Variants in OSBPL1A observed in about 807,000 individuals in gnomAD.
OSBPL1A encodes the protein oxysterol binding protein like 1A.
OSBPL1A carries 80 observed loss-of-function variants against 137.1 expected under a neutral mutation model. The ratio of observed to expected loss-of-function variants is 0.58; its 90% CI spans 0.49 to 0.70. The LOEUF is 0.70. Ranked by LOEUF, OSBPL1A falls within the 30% of genes least tolerant of loss-of-function variation. The pLI, the probability that OSBPL1A is intolerant of heterozygous loss-of-function variation, is 0.00. For missense variants in OSBPL1A, 970 were observed against 1,129.4 expected (o/e 0.86, Z 2.02); for synonymous variants, 365 against 389.7 (o/e 0.94, Z 0.75).
chr18:24,166,496 A>T, intron 26 of OSBPL1A, 83 bp downstream of exon 26: 1 of 1,492,670 alleles, frequency 6.7e-7, no homozygotes, highest in Non-Finnish European at 8.9e-7. Context: ...TACCCCAATG[A>T]TGCTAACAAT....
Position 24,165,152 on chromosome 18 carries a change from T to C in OSBPL1A, c.2663A>G (p.Gln888Arg). 6.2e-7 allele frequency: 1 copy of C among 1,614,030 alleles called. No homozygotes were observed. Among genetic ancestry groups the C allele is most frequent in the Non-Finnish European group, 8.5e-7 (1 of 1,179,900 alleles). ...AAGTCGTTTTTTTTCTTCACTAGCT[T>C]GATCTAAAATAAGAACATCAACACA... ...IRAMENGEID[Q>R]ASEEKKRLEE... Residue 888 changes from glutamine (Q) to arginine (R), a missense_variant, in exon 27 of 28, where the codon CAA becomes CGA. Gln to Arg is a conservative substitution (Grantham distance 43, BLOSUM62 1). This residue lies in a region of OSBPL1A where 323 missense variants were observed against 456.8 expected (regional missense o/e 0.71). Transcript: ENST00000319481.
intron 5 of OSBPL1A, among the ~76,000 whole-genome samples, chr18:24,339,499 AC>A (rs1322282733): frequency 3.9e-5 from 6 of 152,334 alleles, no homozygotes; most frequent in Non-Finnish European, 7.3e-5. Flanking sequence ...TGTAAAGTCA[AC>A]TAAGCCCTTT....
chr18:24,290,825 C>A (rs2090162793), intron 14 of OSBPL1A, among the ~76,000 whole-genome samples: 2 of 152,134 alleles, frequency 1.3e-5, no homozygotes. Flanking sequence ...GGGGCAGACC[C>A]CTAGTGACAG....
At chr18:24,293,721 T>C (rs1053592276) in intron 14 of OSBPL1A, among the ~76,000 whole-genome samples, 1 of 148,560 alleles carries the variant, frequency 6.7e-6, no homozygotes, top group Non-Finnish European at 1.5e-5. Context: ...AACTGGGAGG[T>C]GGGGGGCTGA....
In OSBPL1A at chr18:24,241,922, T is replaced by C. The variant is rs2088707387; in HGVS notation, c.1282-2540A>G. Among the ~76,000 whole-genome samples, 6 of 152,124 alleles carry C rather than the reference T, an allele frequency of 3.9e-5. No homozygotes were observed. In the South Asian group the frequency reaches 1.2e-3, roughly 32 times the overall value. ...CTGGATTAAGAAAATGTGGCACATA[T>C]ACACCATGGAATACTACACAGCCAT... is the stretch of plus-strand genomic sequence containing the variant. On this transcript the variant is annotated intron_variant, in intron 15 of 27. Coordinates refer to ENST00000319481, the MANE Select transcript of OSBPL1A (RefSeq NM_080597.4).
intron 2 of OSBPL1A, among the ~76,000 whole-genome samples, chr18:24,376,642 C>G (rs889457216): frequency 6.6e-6 from 1 of 152,196 alleles, no homozygotes; most frequent in Non-Finnish European, 1.5e-5. Flanking sequence ...CAGTGCTCAT[C>G]GAGGAGGCTT....
rs1162761277 is a variant in OSBPL1A, at chr18:24,286,095, T to C, written c.1175-5147A>G. ...TCACTTGAACCCAGGAGGCAGAGGC[T>C]GCAGTGAGCCAAGATCGCGCCACTG... On this transcript the variant is annotated intron_variant, in intron 14 of 27. Coordinates refer to ENST00000319481, the MANE Select transcript of OSBPL1A (RefSeq NM_080597.4). Among the ~76,000 whole-genome samples, 3 of 152,190 alleles carry C rather than the reference T, an allele frequency of 2.0e-5. No individual in the cohort carries two copies. In the East Asian group the frequency reaches 5.8e-4, roughly 29 times the overall value.
intron 2 of OSBPL1A, among the ~76,000 whole-genome samples, chr18:24,372,101 C>G (rs1212477278): frequency 4.0e-5 from 6 of 151,554 alleles, no homozygotes; most frequent in Admixed American, 1.3e-4. Flanking sequence ...GTAGTGAAAC[C>G]CTATTTCTAC....
chr18:24,240,927 T>C (rs1483166764), intron 15 of OSBPL1A, among the ~76,000 whole-genome samples: 1 of 151,992 alleles, frequency 6.6e-6, no homozygotes, highest in African/African-American at 2.4e-5. Flanking sequence ...CCAAAACAGA[T>C]ACACAGACCA....
intron 4 of OSBPL1A, among the ~76,000 whole-genome samples, chr18:24,352,760 T>C (rs1431345112): frequency 1.2e-4 from 19 of 152,266 alleles, no homozygotes; most frequent in East Asian, 7.7e-4. Context: ...GAAATAATGC[T>C]GCATATCTAC....
At chr18:24,218,784 C>T (rs2145978468) in intron 17 of OSBPL1A, among the ~76,000 whole-genome samples, 1 of 151,988 alleles carries the variant, frequency 6.6e-6, no homozygotes, top group South Asian at 2.1e-4. Context: ...GTATTATATA[C>T]TTGAAAATCA....
intron 21 of OSBPL1A, among the ~76,000 whole-genome samples, chr18:24,175,946 A>T (rs1337429284): frequency 6.6e-6 from 1 of 152,222 alleles, no homozygotes; most frequent in Non-Finnish European, 1.5e-5. Flanking sequence ...AAATCAACTG[A>T]CCACATTTCT....
chr18:24,290,470 C>T (rs1282371371), intron 14 of OSBPL1A, among the ~76,000 whole-genome samples: 2 of 152,104 alleles, frequency 1.3e-5, no homozygotes, highest in Non-Finnish European at 2.9e-5. Context: ...TGCCTGAGCT[C>T]AGGAGTTCAA....
At chr18:24,214,908 T>G (rs897813655) in intron 17 of OSBPL1A, among the ~76,000 whole-genome samples, 6 of 152,224 alleles carry the variant, frequency 3.9e-5, no homozygotes, top group Admixed American at 2.0e-4. Flanking sequence ...CCACACCTAC[T>G]TTTTCAGAAT....
chr18:24,269,012 C>G (rs1181137436), intron 15 of OSBPL1A, among the ~76,000 whole-genome samples: 1 of 152,192 alleles, frequency 6.6e-6, no homozygotes, highest in Non-Finnish European at 1.5e-5. Flanking sequence ...ACCTATGGCT[C>G]CACCTTCATT....
intron 21 of OSBPL1A, among the ~76,000 whole-genome samples, chr18:24,176,405 A>G (rs189976482): frequency 6.6e-5 from 10 of 152,310 alleles, no homozygotes; most frequent in Admixed American, 6.5e-4. Flanking sequence ...GCATTCTGCC[A>G]TTGAGCCTAT....
Position 24,318,870 on chromosome 18 carries a change from C to G in OSBPL1A, c.626-61G>C. The G allele has an allele frequency of 3.7e-6, 5 of 1,340,898 alleles. No homozygotes were observed. In the East Asian group the frequency reaches 1.1e-4, roughly 31 times the overall value. The allele number at this position is 1,340,898 out of a possible 1,614,324, so 83.1% of individuals were successfully genotyped here. A position where few individuals can be genotyped will look rare whatever the true frequency, so the allele number is the denominator to read the frequency against. Reference sequence around the variant, plus strand: ...CTTAAATGTACTATGACAATCAATGCTGTAACTGCAGCATCTAATAGTCCT... The same window carrying G: ...CTTAAATGTACTATGACAATCAATGGTGTAACTGCAGCATCTAATAGTCCT... On this transcript the variant is annotated intron_variant, in intron 7 of 27. Coordinates refer to ENST00000319481, the MANE Select transcript of OSBPL1A (RefSeq NM_080597.4).
intron 16 of OSBPL1A, among the ~76,000 whole-genome samples, chr18:24,226,869 C>T (rs968389577): frequency 8.7e-5 from 13 of 150,276 alleles, no homozygotes; most frequent in African/African-American, 1.5e-4. Context: ...TGTCCTATAC[C>T]TCATAACAAA....
intron 18 of OSBPL1A, among the ~76,000 whole-genome samples, chr18:24,187,432 A>G (rs1236022724): frequency 6.6e-6 from 1 of 152,162 alleles, no homozygotes; most frequent in African/African-American, 2.4e-5. Flanking sequence ...CCAAGGGGAA[A>G]AAAATGAGCT....
Sources: allele counts gnomAD v4.1 joint callset (sites outside exome capture counted in the v4.1 genomes callset), GRCh38; gene constraint gnomAD v4.1.1; regional missense constraint gnomAD v4.1.1; transcripts MANE v1.5; gene names NCBI Gene and HGNC (gene_info 2026-07-23, HGNC 2026-07-21).